Variants in TPTE2 observed in about 807,000 individuals in gnomAD.
TPTE2 encodes the protein phosphatidylinositol 3,4,5-trisphosphate 3-phosphatase TPTE2.
In TPTE2, 53 loss-of-function variants were observed where a neutral mutation model predicts 78.6. The observed-to-expected ratio is 0.67, with a 90% CI of 0.54 to 0.85. The LOEUF is 0.85. TPTE2 is among the 40% of genes least tolerant of loss of function. The pLI is 0.00. For missense variants in TPTE2, 461 were observed against 623.0 expected, an observed-to-expected ratio of 0.74 and a Z score of 2.77; for synonymous variants, 175 against 206.2, an observed-to-expected ratio of 0.85 and a Z score of 1.30.
At chr13:19,509,083 T>TA (rs1204021673) in intron 1 of TPTE2, among the ~76,000 whole-genome samples, 1 of 152,156 alleles carries the variant, frequency 6.6e-6, no homozygotes, top group Non-Finnish European at 1.5e-5. Context: ...TTTTAAATAC[T>TA]AAGAACTGAT....
At chr13:19,434,855 G>A (rs1005337788) in intron 15 of TPTE2, among the ~76,000 whole-genome samples, 1 of 152,166 alleles carries the variant, frequency 6.6e-6, no homozygotes, top group African/African-American at 2.4e-5. Context: ...GCTGTGCACA[G>A]CAAGGGCTTC....
the TPTE2 span, among the ~76,000 whole-genome samples, chr13:19,554,052 A>AT: frequency 2.6e-4 from 40 of 151,772 alleles, no homozygotes; most frequent in African/African-American, 8.5e-4. Flanking sequence ...GATCTTTCTT[A>AT]TTTTTTCTGT....
At chr13:19,538,723 G>A (rs1192465253), upstream of TPTE2, among the ~76,000 whole-genome samples, 1 of 151,668 alleles carries the variant, frequency 6.6e-6, no homozygotes, top group East Asian at 1.9e-4. Flanking sequence ...CACCATGTTG[G>A]CTAAGCTGGT....
chr13:19,488,250 G>C (rs570251546), intron 3 of TPTE2, among the ~76,000 whole-genome samples: 1 of 152,140 alleles, frequency 6.6e-6, no homozygotes, highest in Non-Finnish European at 1.5e-5. Flanking sequence ...AGCATAATTC[G>C]TAAGGGCCCT....
At chr13:19,434,959 C>T (rs1327873495) in intron 15 of TPTE2, among the ~76,000 whole-genome samples, 1 of 152,114 alleles carries the variant, frequency 6.6e-6, no homozygotes, top group African/African-American at 2.4e-5. Context: ...ATAGTAGTGC[C>T]TACTCATAGA....
At chr13:19,464,237 A>G (rs1879115728) in intron 10 of TPTE2, among the ~76,000 whole-genome samples, 2 of 152,248 alleles carry the variant, frequency 1.3e-5, no homozygotes, top group East Asian at 3.8e-4. Flanking sequence ...AAACCACAGT[A>G]TCATGAGCCA....
At chr13:19,494,818 A>G (rs1005518222) in intron 1 of TPTE2, among the ~76,000 whole-genome samples, 3 of 152,196 alleles carry the variant, frequency 2.0e-5, no homozygotes, top group African/African-American at 4.8e-5. Context: ...AGTCAGACAC[A>G]ATGCGTAATT....
the TPTE2 span, among the ~76,000 whole-genome samples, chr13:19,554,377 A>T: frequency 6.9e-6 from 1 of 145,152 alleles, no homozygotes; most frequent in African/African-American, 2.5e-5. Flanking sequence ...TCTGTCTCAA[A>T]AAATAAATAA....
chr13:19,456,058 A>G (rs1426677528), intron 10 of TPTE2, among the ~76,000 whole-genome samples: 1 of 152,208 alleles, frequency 6.6e-6, no homozygotes, highest in Non-Finnish European at 1.5e-5. Flanking sequence ...AGAAAGAAAA[A>G]AGTATAAAAA....
intron 1 of TPTE2, among the ~76,000 whole-genome samples, chr13:19,516,393 T>C (rs1869794992): frequency 6.6e-6 from 1 of 152,178 alleles, no homozygotes; most frequent in East Asian, 1.9e-4. Context: ...TAAACCTTCC[T>C]GGAGATAGGA....
chr13:19,454,696 T>C (rs1256328726), intron 10 of TPTE2, among the ~76,000 whole-genome samples: 1 of 152,200 alleles, frequency 6.6e-6, no homozygotes, highest in Non-Finnish European at 1.5e-5. Flanking sequence ...AACAGTTTAA[T>C]AACTGATAGA....
chr13:19,485,302 T>G (rs138037550), intron 3 of TPTE2, among the ~76,000 whole-genome samples: 1 of 152,166 alleles, frequency 6.6e-6, no homozygotes, highest in African/African-American at 2.4e-5. Context: ...CTTCTTCATT[T>G]GTAAAGGATA....
intron 1 of TPTE2, among the ~76,000 whole-genome samples, chr13:19,515,009 G>A (rs538565904): frequency 6.6e-6 from 1 of 152,252 alleles, no homozygotes; most frequent in Admixed American, 6.5e-5. Flanking sequence ...AAACCATGCT[G>A]AATATTCAGC....
the TPTE2 span, among the ~76,000 whole-genome samples, chr13:19,550,066 G>A: frequency 7.1e-6 from 1 of 140,710 alleles, no homozygotes; most frequent in African/African-American, 2.5e-5. Context: ...TGATTACCTG[G>A]GTGACAAAAT....
At chr13:19,496,973 A>C (rs1389765446) in intron 1 of TPTE2, among the ~76,000 whole-genome samples, 2 of 152,196 alleles carry the variant, frequency 1.3e-5, no homozygotes, top group Non-Finnish European at 2.9e-5. Context: ...AGGGCGAGGC[A>C]TTGCCTCACT....
chr13:19,438,151 T>C (rs1877243109), exon 14 of TPTE2: 1 of 1,608,534 alleles, frequency 6.2e-7, no homozygotes, highest in Admixed American at 1.7e-5. Context: ...GTCCCGGTTC[T>C]TCCTAGAAAA....
At chr13:19,442,282 T>C (rs1185774518) in intron 13 of TPTE2, among the ~76,000 whole-genome samples, 1 of 151,078 alleles carries the variant, frequency 6.6e-6, no homozygotes, top group Non-Finnish European at 1.5e-5. Flanking sequence ...TAAAGATAAA[T>C]ACAAAACTCT....
chr13:19,457,371 C>T (rs1027803495), intron 10 of TPTE2, among the ~76,000 whole-genome samples: 2 of 152,166 alleles, frequency 1.3e-5, no homozygotes, highest in African/African-American at 2.4e-5. Context: ...TTTACTTCAA[C>T]TTTTATTTTA....
At chr13:19,538,127 A>G (rs1462450800), upstream of TPTE2, among the ~76,000 whole-genome samples, 1 of 152,204 alleles carries the variant, frequency 6.6e-6, no homozygotes, top group Non-Finnish European at 1.5e-5. Flanking sequence ...CTAAATTTTA[A>G]CATAGTCAAA....
Sources: gnomAD v4.1 joint callset for allele counts (sites outside exome capture counted in the v4.1 genomes callset) on GRCh38, gnomAD v4.1.1 for gene constraint, MANE v1.5 for transcripts, NCBI Gene and HGNC (gene_info 2026-07-23, HGNC 2026-07-21) for gene names.